The following TMPPE variants were observed in gnomAD, a reference collection of about 807,000 sequenced individuals.
TMPPE encodes transmembrane protein with metallophosphoesterase domain.
In TMPPE, 16 loss-of-function variants were observed where a neutral mutation model predicts 22.6. The observed-to-expected ratio is 0.71, with a 90% CI of 0.48 to 1.08. TMPPE has a LOEUF of 1.08. TMPPE is among the 50% of genes least tolerant of loss of function. The pLI is 0.00. For synonymous variants in TMPPE, 240 were observed against 245.3 expected, an observed-to-expected ratio of 0.98 and a Z score of 0.20; for missense variants, 526 against 584.3, an observed-to-expected ratio of 0.90 and a Z score of 1.03.
chr3:33,093,995 T>C lies in TMPPE; in HGVS notation c.201A>G (p.Thr67=), dbSNP rs1364680281. 2.5e-6 allele frequency: 4 copies of C among 1,614,058 alleles called. No individual in the cohort carries two copies. The African/African-American group carries it at 4.0e-5, about 16-fold the overall frequency. The change falls in exon 2 of 2, where the codon ACA becomes ACG. Residue 67 remains threonine, a synonymous_variant. Transcript: ENST00000342462. The surrounding 1 kb of genome is among the most constrained non-coding windows in gnomAD (Gnocchi z 6.0). The part of the protein sequence containing the change: ...LIGSLYIWRS[T]VSNLCHSPAA... ...CTGGGGAGTGGCAGAGGTTGCTCAC[T>C]GTGCTGCGCCAAATGTAGAGGGAGC...
At position 33,092,285 on chromosome 3, in the gene TMPPE, T is replaced by C. The variant is rs1180195361; in HGVS notation, c.*549A>G. On this transcript the variant is annotated 3_prime_UTR_variant, in exon 2 of 2. Transcript: ENST00000342462. ...ATGCCCTCAATAGAGGTGATCCTGA[T>C]AGAATCAGAGGAAAAGAAAATATTC... 19 of 986,598 alleles carry C rather than the reference T, an allele frequency of 1.9e-5. No homozygotes were observed. The highest frequency in any genetic ancestry group is 1.2e-4 in the Admixed American group (2 of 16,500). 61.1% of individuals were successfully genotyped at this position (986,598 alleles called of 1,614,324 possible).
Position 33,090,923 on chromosome 3 carries a change from A to C in TMPPE, c.*1911T>G, listed in dbSNP as rs548355737. 3.0e-4 allele frequency: 298 copies of C among 985,422 alleles called. 2 individuals carry two copies. In the South Asian group the frequency reaches 6.9e-3, roughly 23 times the overall value. 61.0% of individuals were successfully genotyped at this position (985,422 alleles called of 1,614,324 possible). A position where few individuals can be genotyped will look rare whatever the true frequency, so the allele number is the denominator to read the frequency against. ...AGAAAGAAAAGAGGTAAGGATGCAA[A>C]ATTAAAAAAAAAATAGGACTTAATG... On this transcript the variant is annotated 3_prime_UTR_variant, in exon 2 of 2. Transcript: ENST00000342462.
At position 33,093,193 on chromosome 3, in the gene TMPPE, C is replaced by T; in HGVS notation, c.1003G>A (p.Asp335Asn). Residue 335 changes from aspartate (D) to asparagine (N), a missense_variant, in exon 2 of 2, where the codon GAC (aspartate) becomes AAC (asparagine). Asp to Asn is a conservative substitution (Grantham distance 23). Coordinates refer to ENST00000342462, the MANE Select transcript of TMPPE (RefSeq NM_001039770.3). This position sits in a 1 kb window ranked among gnomAD's most constrained non-coding sequence, Gnocchi z 6.0. The stretch of plus-strand genomic sequence containing the variant: ...TGCAGGATGTCTGCTTCAATATCGT[C>T]CACCCCAGCCAAGCAGATCCAGTCC... Reference protein sequence around the residue: ...DEDWICLAGVDDIEADILHYS... With the variant: ...DEDWICLAGVNDIEADILHYS... 2 of 1,613,992 alleles carry T rather than the reference C, an allele frequency of 1.2e-6. No individual in the cohort carries two copies. The highest frequency in any genetic ancestry group is 1.7e-6 in the Non-Finnish European group (2 of 1,179,956).
chr3:33,095,607 C>A (rs1012690178), intron 1 of TMPPE, among the ~76,000 whole-genome samples: 4 of 152,160 alleles, frequency 2.6e-5, no homozygotes, highest in Non-Finnish European at 5.9e-5. Flanking sequence ...ATGGCAGCCA[C>A]AGGGCATCCA....
Position 33,096,987 on chromosome 3 carries a change from C to A in TMPPE, c.-377G>T. The A allele has an allele frequency of 6.2e-7, 1 of 1,609,756 alleles. No individual in the cohort carries two copies. Among genetic ancestry groups the A allele is most frequent in the East Asian group, 2.2e-5 (1 of 44,540 alleles). ...AGCCTGTCCCCTAGCAATGCCTCCCCGTACCCGGGTCCCGCAGACTTACGC... is the reference window on the plus strand; with the variant it reads ...AGCCTGTCCCCTAGCAATGCCTCCCAGTACCCGGGTCCCGCAGACTTACGC... On this transcript the variant is annotated 5_prime_UTR_variant, in exon 1 of 2. Coordinates refer to ENST00000342462, the MANE Select transcript of TMPPE (RefSeq NM_001039770.3).
intron 1 of TMPPE, among the ~76,000 whole-genome samples, chr3:33,095,444 T>C (rs964837178): frequency 1.3e-5 from 2 of 152,112 alleles, no homozygotes; most frequent in Non-Finnish European, 2.9e-5. Flanking sequence ...GAGAATGGCG[T>C]GAACCCTAAA....
chr3:33,093,527 C>T lies in TMPPE; in HGVS notation c.669G>A (p.Arg223=). ...TCCTCACAAACATTTCCATCTTGGT[C>T]CTGCCCACTGTGGGGCCCAAGTGAA... ...SDIHLGPTVG[R]TKMEMFVRMV... Residue 223 remains arginine (R), a synonymous_variant, in exon 2 of 2, where the codon AGG becomes AGA. Coordinates refer to ENST00000342462, the MANE Select transcript of TMPPE (RefSeq NM_001039770.3). This position sits in a 1 kb window ranked among gnomAD's most constrained non-coding sequence, Gnocchi z 6.0. The T allele has an allele frequency of 6.2e-7, 1 of 1,614,224 alleles. No homozygotes were observed. Among genetic ancestry groups the T allele is most frequent in the Non-Finnish European group, 8.5e-7 (1 of 1,180,050 alleles).
At position 33,093,742 on chromosome 3, in the gene TMPPE, C is replaced by G; in HGVS notation, c.454G>C (p.Val152Leu). The G allele has an allele frequency of 6.2e-7, 1 of 1,613,914 alleles. No homozygotes were observed. Among genetic ancestry groups the G allele is most frequent in the Non-Finnish European group, 8.5e-7 (1 of 1,179,902 alleles). ...CTTGTCTTCTCAAGGCTGCCCACGA[C>G]CCTACCACTGCGCCAGGCCAAGAGC... Reference protein sequence around the residue: ...YQLLAWRSGRVVGSLEKTRKL... With the variant: ...YQLLAWRSGRLVGSLEKTRKL... The change falls in exon 2 of 2, where the codon GTC becomes CTC. Residue 152 changes from valine to leucine, a missense_variant. Transcript: ENST00000342462. This position sits in a 1 kb window ranked among gnomAD's most constrained non-coding sequence, Gnocchi z 6.0.
intron 1 of TMPPE, 135 bp from the exon 2 acceptor site, chr3:33,094,438 T>C: frequency 2.8e-6 from 3 of 1,086,800 alleles, no homozygotes; most frequent in Non-Finnish European, 3.6e-6. Context: ...TTGCTAGCTA[T>C]ACTTTATTAT....
In TMPPE at chr3:33,094,034, C is replaced by T. The variant is rs780130302; in HGVS notation, c.162G>A (p.Ser54=). 3.1e-6 allele frequency: 5 copies of T among 1,614,108 alleles called. No individual in the cohort carries two copies. The highest frequency in any genetic ancestry group is 1.7e-5 in the Admixed American group (1 of 60,010). The change falls in exon 2 of 2, where the codon TCG becomes TCA. Residue 54 remains serine (S), a synonymous_variant. Coordinates refer to ENST00000342462, the MANE Select transcript of TMPPE (RefSeq NM_001039770.3). ...LRLQLALFVN[S]LLLIGSLYIW... is the part of the protein sequence containing the mutation. ...TGTAGAGGGAGCCAATGAGCAAGAG[C>T]GAGTTGACAAACAGGGCAAGCTGCA... is the stretch of plus-strand genomic sequence containing the variant.
In TMPPE at chr3:33,090,871, T is replaced by C. The variant is rs920995308; in HGVS notation, c.*1963A>G. The C allele has an allele frequency of 2.0e-6, 2 of 984,942 alleles. No individual in the cohort carries two copies. The highest frequency in any genetic ancestry group is 2.4e-6 in the Non-Finnish European group (2 of 829,872). 61.0% of individuals were successfully genotyped at this position (984,942 alleles called of 1,614,324 possible). Reference sequence around the variant, plus strand: ...GACTTCAGAGTGGATGAAGGGTACATAAGACCACACAATGATGGCATTCAA... The same window carrying C: ...GACTTCAGAGTGGATGAAGGGTACACAAGACCACACAATGATGGCATTCAA... On this transcript the variant is annotated 3_prime_UTR_variant, in exon 2 of 2. Transcript: ENST00000342462.
chr3:33,096,920 G>A lies in TMPPE; in HGVS notation c.-310C>T, dbSNP rs2125591309. 6.5e-7 allele frequency: 1 copy of A among 1,538,788 alleles called. No individual in the cohort carries two copies. Among genetic ancestry groups the A allele is most frequent in the Non-Finnish European group, 8.7e-7 (1 of 1,142,910 alleles). ...CTTCGGGGCTCAGGCTCCCCGCCCT[G>A]CGGGACCGCGGGTGGCTGCGACCCC... On this transcript the variant is annotated 5_prime_UTR_variant, in exon 1 of 2. Coordinates refer to ENST00000342462, the MANE Select transcript of TMPPE (RefSeq NM_001039770.3).
At position 33,094,061 on chromosome 3, in the gene TMPPE, G is replaced by A; in HGVS notation, c.135C>T (p.Arg45=). ...AGTTGACAAACAGGGCAAGCTGCAAGCGAAGCAGCCAACGCCAGGCCCTGA... is the reference window on the plus strand; with the variant it reads ...AGTTGACAAACAGGGCAAGCTGCAAACGAAGCAGCCAACGCCAGGCCCTGA... ...LELRAWRWLL[R]LQLALFVNSL... The change falls in exon 2 of 2, where the codon CGC becomes CGT. Residue 45 remains arginine, a synonymous_variant. Coordinates refer to ENST00000342462, the MANE Select transcript of TMPPE (RefSeq NM_001039770.3). 6.2e-7 allele frequency: 1 copy of A among 1,614,264 alleles called. No homozygotes were observed. The highest frequency in any genetic ancestry group is 8.5e-7 in the Non-Finnish European group (1 of 1,180,056).
rs777282849 is a variant in TMPPE, at chr3:33,097,074, G to C, written c.-464C>G. The C allele has an allele frequency of 1.2e-6, 2 of 1,612,596 alleles. No homozygotes were observed. The highest frequency in any genetic ancestry group is 1.7e-6 in the Non-Finnish European group (2 of 1,179,096). On this transcript the variant is annotated 5_prime_UTR_variant, in exon 1 of 2. Coordinates refer to ENST00000342462, the MANE Select transcript of TMPPE (RefSeq NM_001039770.3). ...GCAACAGAGGGAGGATGCGAACCAG[G>C]AACCCCGGCATGACCACCAGCCTCC...
Position 33,092,245 on chromosome 3 carries a change from C to T in TMPPE, c.*589G>A. 2.0e-6 allele frequency: 2 copies of T among 985,718 alleles called. No individual in the cohort carries two copies. The highest frequency in any genetic ancestry group is 4.7e-5 in the South Asian group (1 of 21,286). 61.1% of individuals were successfully genotyped at this position (985,718 alleles called of 1,614,324 possible). ...CTGGAACAGGAGGAGCTTTGCATTC[C>T]AGTAGATTTTGCTGATGCCCTCAAT... On this transcript the variant is annotated 3_prime_UTR_variant, in exon 2 of 2. Transcript: ENST00000342462.
At position 33,091,964 on chromosome 3, in the gene TMPPE, C is replaced by T. The variant is rs555734051; in HGVS notation, c.*870G>A. 1.0e-6 allele frequency: 1 copy of T among 984,590 alleles called. No homozygotes were observed. The highest frequency in any genetic ancestry group is 1.1e-4 in the East Asian group (1 of 8,808). The allele number at this position is 984,590 out of a possible 1,614,324, so 61.0% of individuals were successfully genotyped here. A position where few individuals can be genotyped will look rare whatever the true frequency, so the allele number is the denominator to read the frequency against. Reference sequence around the variant, plus strand: ...AGACCTGGTTTCTAGCCCCAAATCTCCTACATATCTTGTCATACTGCCTGT... The same window carrying T: ...AGACCTGGTTTCTAGCCCCAAATCTTCTACATATCTTGTCATACTGCCTGT... On this transcript the variant is annotated 3_prime_UTR_variant, in exon 2 of 2. Coordinates refer to ENST00000342462, the MANE Select transcript of TMPPE (RefSeq NM_001039770.3).
At chr3:33,096,398 T>TGGG in intron 1 of TMPPE, 1 of 953,086 alleles carries the variant, frequency 1.0e-6, no homozygotes, top group Non-Finnish European at 1.2e-6. Flanking sequence ...GCCTGCCTAT[T>TGGG]CCCCCCCTCA....
rs1375046696 is a variant in TMPPE at position 33,094,138 on chromosome 3, C to T, written c.58G>A (p.Val20Ile). The T allele has an allele frequency of 1.2e-6, 2 of 1,613,484 alleles. No individual in the cohort carries two copies. Among genetic ancestry groups the T allele is most frequent in the Non-Finnish European group, 1.7e-6 (2 of 1,179,404 alleles). The stretch of plus-strand genomic sequence containing the variant: ...CGGGAGGCGATCATGGACACGAAGA[C>T]AGTGACAGCAGCCAGGGTGGCCTTC... Reference protein sequence around the residue: ...GAKATLAAVTVFVSMIASRSY... With the variant: ...GAKATLAAVTIFVSMIASRSY... Residue 20 changes from valine (V) to isoleucine (I), a missense_variant, in exon 2 of 2, where the codon GTC becomes ATC. By Grantham distance (29) the Val-to-Ile change is conservative (BLOSUM62 3). Transcript: ENST00000342462.
intron 1 of TMPPE, 144 bp downstream of exon 1, chr3:33,096,575 C>G (rs1051948167): frequency 1.8e-5 from 19 of 1,029,840 alleles, no homozygotes; most frequent in Non-Finnish European, 2.2e-5. Context: ...CCTCTCCTGA[C>G]CCCATTTTTC....
Sources: gnomAD v4.1 joint callset for allele counts (sites outside exome capture counted in the v4.1 genomes callset) on GRCh38, gnomAD v4.1.1 for gene constraint, Gnocchi (gnomAD v3.1) non-coding constraint, MANE v1.5 for transcripts, NCBI Gene and HGNC (gene_info 2026-07-23, HGNC 2026-07-21) for gene names.